DENND3: variants seen among roughly 807,000 people sequenced by gnomAD.
The protein encoded by DENND3 is DENN domain-containing protein 3.
In DENND3, 88 loss-of-function variants were observed where a neutral mutation model predicts 135.1. The observed-to-expected ratio is 0.65, with a 90% confidence interval of 0.55 to 0.78. The LOEUF (loss-of-function observed/expected upper bound fraction) is 0.78, where lower values mean the gene tolerates loss of function less well. Ranked by LOEUF, DENND3 falls within the 30% of genes least tolerant of loss-of-function variation. The pLI is 0.00. For synonymous variants in DENND3, 693 were observed against 712.3 expected (o/e 0.97, Z 0.43); for missense variants, 1,392 against 1,688.4 (o/e 0.82, Z 3.08).
Position 141,144,169 on chromosome 8 carries a change from C to G in DENND3, c.645C>G (p.Pro215=). The G allele has an allele frequency of 6.2e-7, 1 of 1,612,696 alleles. No individual in the cohort carries two copies. Among genetic ancestry groups the G allele is most frequent in the Non-Finnish European group, 8.5e-7 (1 of 1,179,706 alleles). ...TCAGTTTATTGGCTCTTCTGAAGCCCTGTAAAGATTTTGAAGTGGACAGTC... is the reference window on the plus strand; with the variant it reads ...TCAGTTTATTGGCTCTTCTGAAGCCGTGTAAAGATTTTGAAGTGGACAGTC... ...CLSCLLALLK[P]CKDFEVDSHI... Residue 215 remains proline (P), a synonymous_variant, in exon 5 of 23, where the codon CCC becomes CCG. Coordinates refer to ENST00000519811, the MANE Select transcript of DENND3 (RefSeq NM_001352890.3). This position sits in a 1 kb window ranked among gnomAD's most constrained non-coding sequence, Gnocchi z 4.4.
chr8:141,192,803 C>T (rs777641382), intron 22 of DENND3, 140 bp downstream of exon 22: 49 of 1,578,850 alleles, frequency 3.1e-5, no homozygotes, highest in Admixed American at 7.1e-5. Flanking sequence ...CTAACAGGCA[C>T]GTGCAGGGTT....
At position 141,141,492 on chromosome 8, in the gene DENND3, T is replaced by G; in HGVS notation, c.623+168T>G. ...GGGCAGTAGGAGGGGCAGTTCTCTG[T>G]GCCTCTTAGGCTGTTGCTTAAGGCT... On this transcript the variant is annotated intron_variant, in intron 4 of 22. Transcript: ENST00000519811. This position sits in a 1 kb window ranked among gnomAD's most constrained non-coding sequence, Gnocchi z 5.3. The G allele has an allele frequency of 1.3e-5, 8 of 629,048 alleles. No individual in the cohort carries two copies. Among genetic ancestry groups the G allele is most frequent in the East Asian group, 1.2e-4 (3 of 25,286 alleles). The allele number at this position is 629,048 out of a possible 1,614,324, so 39.0% of individuals were successfully genotyped here. A position where few individuals can be genotyped will look rare whatever the true frequency, so the allele number is the denominator to read the frequency against.
At chr8:141,136,333 C>A (rs942443886) in intron 1 of DENND3, among the ~76,000 whole-genome samples, 176 bp from the exon 2 acceptor site, 2 of 152,104 alleles carry the variant, frequency 1.3e-5, no homozygotes, top group Non-Finnish European at 1.5e-5. Context: ...GAACATAGGG[C>A]CTGGCAGGTT....
At chr8:141,152,783 C>G (rs1301935188) in intron 7 of DENND3, among the ~76,000 whole-genome samples, 1 of 152,234 alleles carries the variant, frequency 6.6e-6, no homozygotes, top group East Asian at 1.9e-4. Context: ...ATTGCTGGGT[C>G]ATAAGGCAGC....
intron 13 of DENND3, among the ~76,000 whole-genome samples, chr8:141,169,713 G>A (rs1417324080): frequency 6.6e-6 from 1 of 152,240 alleles, no homozygotes; most frequent in East Asian, 1.9e-4. Context: ...GCGGTACCTA[G>A]TGGTCGTGAG....
intron 5 of DENND3, 72 bp from the exon 6 acceptor site, chr8:141,150,762 A>C (rs1818700869): frequency 1.3e-6 from 2 of 1,481,888 alleles, no homozygotes; most frequent in Admixed American, 5.1e-5. Flanking sequence ...GCACCGAAAT[A>C]GTGACAGTAG....
At position 141,195,119 on chromosome 8, in the gene DENND3, T is replaced by G. The variant is rs1025363108; in HGVS notation, c.*886T>G. The G allele has an allele frequency of 3.3e-5, 5 of 152,300 alleles. No individual in the cohort carries two copies. Among genetic ancestry groups the G allele is most frequent in the Admixed American group, 2.6e-4 (4 of 15,288 alleles). The allele number at this position is 152,300 out of a possible 1,614,324, so 9.4% of individuals were successfully genotyped here. A position where few individuals can be genotyped will look rare whatever the true frequency, so the allele number is the denominator to read the frequency against. ...CCTGAATCCGTGTGCACACTGCGTA[T>G]GTGTACGCGCAGCATGCTATACTGA... On this transcript the variant is annotated 3_prime_UTR_variant, in exon 23 of 23. Coordinates refer to ENST00000519811, the MANE Select transcript of DENND3 (RefSeq NM_001352890.3).
intron 13 of DENND3, among the ~76,000 whole-genome samples, chr8:141,172,475 G>T (rs972900859): frequency 2.0e-5 from 3 of 152,174 alleles, no homozygotes; most frequent in Admixed American, 6.5e-5. Flanking sequence ...TCTGTGAGAA[G>T]AAGCTGTGTC....
chr8:141,151,581 T>C (rs76692939), intron 6 of DENND3, 38 bp from the exon 7 acceptor site: 6 of 1,513,686 alleles, frequency 4.0e-6, no homozygotes, highest in East Asian at 2.3e-5. Flanking sequence ...TTTTTTTTTT[T>C]AAAAGCATGT....
At chr8:141,161,798 C>CTTT (rs766568248) in intron 9 of DENND3, among the ~76,000 whole-genome samples, 18 of 129,344 alleles carry the variant, frequency 1.4e-4, no homozygotes, top group South Asian at 4.9e-4. Flanking sequence ...TTTGAGTGGC[C>CTTT]TTTTTTTTTT....
intron 7 of DENND3, 29 bp downstream of exon 7, chr8:141,151,866 G>A (rs1818832208): frequency 1.9e-6 from 3 of 1,608,978 alleles, no homozygotes; most frequent in Middle Eastern, 1.9e-4. Flanking sequence ...GACTTGGAAT[G>A]CTAAATTCCT....
At chr8:141,172,545 C>T (rs4961333) in intron 13 of DENND3, among the ~76,000 whole-genome samples, 62,795 of 151,940 alleles carry the variant, frequency 0.41, 13,421 homozygotes, top group African/African-American at 0.52. Flanking sequence ...GTGGACCAGG[C>T]AGCAAGAAGA....
intron 6 of DENND3, 33 bp from the exon 7 acceptor site, chr8:141,151,586 G>T: frequency 6.4e-7 from 1 of 1,574,198 alleles, no homozygotes; most frequent in South Asian, 1.1e-5. Context: ...TTTTTTAAAA[G>T]CATGTACTCA....
intron 5 of DENND3, among the ~76,000 whole-genome samples, chr8:141,150,568 A>G (rs550986380): frequency 7.2e-5 from 11 of 152,356 alleles, no homozygotes; most frequent in Admixed American, 1.3e-4. Context: ...CTAGACAATG[A>G]GTAGTTTGCT....
chr8:141,176,838 G>A, intron 15 of DENND3, 77 bp downstream of exon 15: 2 of 1,539,020 alleles, frequency 1.3e-6, no homozygotes, highest in South Asian at 2.3e-5. Flanking sequence ...TCCTGTGGCA[G>A]TCCTCAGCTG....
chr8:141,136,652 C>T lies in DENND3; in HGVS notation c.246C>T (p.Arg82=), dbSNP rs368448039. 10 of 1,612,748 alleles carry T rather than the reference C, an allele frequency of 6.2e-6. No homozygotes were observed. The African/African-American group carries it at 1.1e-4, about 17-fold the overall frequency. ...GCACTCTCGGTAAAACCCGGATGCGCTCCTTGAGAAAGAAGAGAGAGAAGC... is the reference window on the plus strand; with the variant it reads ...GCACTCTCGGTAAAACCCGGATGCGTTCCTTGAGAAAGAAGAGAGAGAAGC... ...NCGTLGKTRM[R]SLRKKREKPR... Residue 82 remains arginine, a synonymous_variant, in exon 2 of 23, where the codon CGC becomes CGT. Transcript: ENST00000519811.
chr8:141,177,083 C>T, intron 15 of DENND3: 1 of 304,262 alleles, frequency 3.3e-6, no homozygotes, highest in Non-Finnish European at 6.2e-6. Flanking sequence ...GGTGCTGGTG[C>T]TGTCCACACC....
chr8:141,181,741 A>T (rs1240671007), intron 17 of DENND3, among the ~76,000 whole-genome samples: 3 of 152,216 alleles, frequency 2.0e-5, no homozygotes, highest in Non-Finnish European at 4.4e-5. Flanking sequence ...AAAGGAATAC[A>T]GTTCTCGGCA....
chr8:141,164,964 C>G (rs1387890227), intron 10 of DENND3, among the ~76,000 whole-genome samples: 1 of 152,172 alleles, frequency 6.6e-6, no homozygotes, highest in African/African-American at 2.4e-5. Flanking sequence ...CTCTTTTGTT[C>G]ATGGGGTGGG....
Sources: allele counts gnomAD v4.1 joint callset (sites outside exome capture counted in the v4.1 genomes callset), GRCh38; gene constraint gnomAD v4.1.1; non-coding constraint Gnocchi (gnomAD v3.1); transcripts MANE v1.5; gene names NCBI Gene and HGNC (gene_info 2026-07-23, HGNC 2026-07-21).